SEC24A: variants seen among roughly 807,000 people sequenced by gnomAD.
SEC24A encodes SEC24 homolog A, COPII component.
SEC24A carries 93 observed loss-of-function variants against 129.4 expected under a neutral mutation model. The observed-to-expected ratio is 0.72, with a 90% CI of 0.61 to 0.85. The LOEUF (loss-of-function observed/expected upper bound fraction) is 0.85, where lower values mean the gene tolerates loss of function less well. Ranked by LOEUF, SEC24A falls within the 40% of genes least tolerant of loss-of-function variation. SEC24A has a pLI of 0.00. For missense variants in SEC24A, 1,264 were observed against 1,307.4 expected, an observed-to-expected ratio of 0.97 and a Z score of 0.51; for synonymous variants, 460 against 467.3, an observed-to-expected ratio of 0.98 and a Z score of 0.20.
intron 11 of SEC24A, among the ~76,000 whole-genome samples, chr5:134,690,297 G>C (rs1751597149): frequency 6.6e-6 from 1 of 152,174 alleles, no homozygotes; most frequent in African/African-American, 2.4e-5. Flanking sequence ...TGGGATTACA[G>C]GTGTGAGTCA....
chr5:134,673,950 G>A lies in SEC24A; in HGVS notation c.818-665G>A, dbSNP rs368395659. Among the ~76,000 whole-genome samples, 71 of 152,068 alleles carry A rather than the reference G, an allele frequency of 4.7e-4. No homozygotes were observed. The South Asian group carries it at 0.012, about 26-fold the overall frequency. Reference sequence around the variant, plus strand: ...GGAGTTTGAGACCAGTCTGACCAACGTAGTAAAACCCCATCTCTACTAAAA... The same window carrying A: ...GGAGTTTGAGACCAGTCTGACCAACATAGTAAAACCCCATCTCTACTAAAA... On this transcript the variant is annotated intron_variant, in intron 4 of 22. Transcript: ENST00000398844.
chr5:134,682,508 A>G (rs371912100), intron 9 of SEC24A, 26 bp downstream of exon 9: 19 of 1,174,464 alleles, frequency 1.6e-5, no homozygotes, highest in Non-Finnish European at 2.0e-5. Flanking sequence ...TTGATACAGT[A>G]TACCCATTTT....
At chr5:134,670,753 G>A (rs1223816986) in intron 3 of SEC24A, among the ~76,000 whole-genome samples, 1 of 152,130 alleles carries the variant, frequency 6.6e-6, no homozygotes, top group Non-Finnish European at 1.5e-5. Flanking sequence ...ACTTTGGGAG[G>A]CCAAGGCACG....
intron 1 of SEC24A, among the ~76,000 whole-genome samples, chr5:134,656,447 A>G (rs1750247947): frequency 1.3e-5 from 2 of 151,598 alleles, no homozygotes; most frequent in Admixed American, 1.3e-4. Context: ...TAGTGTGTTT[A>G]AAATAACTCT....
In SEC24A at chr5:134,715,055, T is replaced by C. The variant is rs1752437077; in HGVS notation, c.2759T>C (p.Leu920Pro). The C allele has an allele frequency of 6.2e-7, 1 of 1,613,308 alleles. No homozygotes were observed. The highest frequency in any genetic ancestry group is 8.5e-7 in the Non-Finnish European group (1 of 1,179,780). Residue 920 changes from leucine to proline, a missense_variant, in exon 19 of 23, where the codon CTA becomes CCA. Physicochemically the swap from Leu to Pro is moderately conservative, Grantham distance 98. Transcript: ENST00000398844. ...TTCCAGACTGGGACAAATGCACGTC[T>C]AGATGAACGCATTTTTGCTATGTGT... is the stretch of plus-strand genomic sequence containing the variant. ...KSFQTGTNAR[L>P]DERIFAMCQV...
Position 134,686,849 on chromosome 5 carries a change from C to G in SEC24A, c.1551C>G (p.Val517=), listed in dbSNP as rs767641132. Residue 517 remains valine (V), a synonymous_variant, in exon 10 of 23, where the codon GTC becomes GTG. Transcript: ENST00000398844. The stretch of plus-strand genomic sequence containing the variant: ...TATTTGATGTGTCTCACAATGCAGT[C>G]GAAACTGGATACTTGAATTCAGTTT... ...LFVFDVSHNA[V]ETGYLNSVCQ... 1 of 1,611,142 alleles carries G rather than the reference C, an allele frequency of 6.2e-7. No homozygotes were observed. Among genetic ancestry groups the G allele is most frequent in the African/African-American group, 1.3e-5 (1 of 74,900 alleles).
intron 1 of SEC24A, among the ~76,000 whole-genome samples, chr5:134,652,849 C>A (rs1750109913): frequency 6.6e-6 from 1 of 152,112 alleles, no homozygotes; most frequent in Admixed American, 6.6e-5. Context: ...TGCTGGAGTG[C>A]AGTGGTGCGA....
chr5:134,721,408 C>G (rs1164196131), intron 21 of SEC24A, among the ~76,000 whole-genome samples: 2 of 149,808 alleles, frequency 1.3e-5, no homozygotes, highest in Admixed American at 6.6e-5. Context: ...ACTAAAAATA[C>G]AAAAATTAGT....
chr5:134,712,146 T>G (rs1447873145), intron 18 of SEC24A, among the ~76,000 whole-genome samples: 1 of 152,212 alleles, frequency 6.6e-6, no homozygotes, highest in African/African-American at 2.4e-5. Context: ...TCTTGTATTT[T>G]TCCTGAACTC....
At chr5:134,692,435 G>T (rs549728348) in intron 11 of SEC24A, among the ~76,000 whole-genome samples, 167 bp from the exon 12 acceptor site, 1 of 152,246 alleles carries the variant, frequency 6.6e-6, no homozygotes, top group Non-Finnish European at 1.5e-5. Context: ...CTGTATCATT[G>T]TGGTGGTTTT....
At chr5:134,716,404 G>A (rs10463922) in intron 19 of SEC24A, among the ~76,000 whole-genome samples, 24,012 of 150,650 alleles carry the variant, frequency 0.16, 2,095 homozygotes, top group South Asian at 0.36. Context: ...GGGAGGCGGA[G>A]GTTGCAGTGA....
In SEC24A at chr5:134,693,919, A is replaced by G; in HGVS notation, c.1972A>G (p.Arg658Gly). 6.2e-7 allele frequency: 1 copy of G among 1,613,878 alleles called. No individual in the cohort carries two copies. Among genetic ancestry groups the G allele is most frequent in the Non-Finnish European group, 8.5e-7 (1 of 1,179,800 alleles). ...ALKPREEPNHRSSAKDIHMTP... is the reference protein window; with the variant it reads ...ALKPREEPNHGSSAKDIHMTP... Reference sequence around the variant, plus strand: ...GAAACCACGAGAGGAACCAAACCACAGGTCATCTGCTAAGGTTAGAGAGTC... The same window carrying G: ...GAAACCACGAGAGGAACCAAACCACGGGTCATCTGCTAAGGTTAGAGAGTC... Residue 658 changes from arginine to glycine, a missense_variant, in exon 13 of 23, where the codon AGG becomes GGG. Transcript: ENST00000398844.
chr5:134,716,570 A>C (rs1561833516), intron 19 of SEC24A, among the ~76,000 whole-genome samples: 1 of 151,716 alleles, frequency 6.6e-6, no homozygotes, highest in Non-Finnish European at 1.5e-5. Flanking sequence ...GGCCAAGGCA[A>C]GTGGATCACC....
chr5:134,656,330 G>A (rs756356603), intron 1 of SEC24A, among the ~76,000 whole-genome samples: 14 of 151,948 alleles, frequency 9.2e-5, no homozygotes, highest in Non-Finnish European at 1.6e-4. Flanking sequence ...TGCCCGCCTT[G>A]ACCTCCCAAA....
intron 15 of SEC24A, among the ~76,000 whole-genome samples, chr5:134,703,311 A>T (rs1216667401): frequency 6.6e-6 from 1 of 151,972 alleles, no homozygotes; most frequent in African/African-American, 2.4e-5. Flanking sequence ...TCTGTCGCCC[A>T]GGCTGGAGTG....
intron 18 of SEC24A, among the ~76,000 whole-genome samples, chr5:134,713,830 A>C (rs1271189046): frequency 2.0e-5 from 3 of 150,736 alleles, no homozygotes; most frequent in African/African-American, 7.3e-5. Context: ...GGAGTTCAAG[A>C]CCAGCCTGAC....
chr5:134,676,935 T>A (rs1340707538), intron 7 of SEC24A, among the ~76,000 whole-genome samples: 1 of 152,064 alleles, frequency 6.6e-6, no homozygotes, highest in South Asian at 2.1e-4. Flanking sequence ...TGCTGGAAAA[T>A]TCAAAAAGTA....
chr5:134,711,307 T>A (rs1431377696), intron 18 of SEC24A, among the ~76,000 whole-genome samples: 1 of 151,546 alleles, frequency 6.6e-6, no homozygotes, highest in African/African-American at 2.4e-5. Context: ...TACTAAAAAA[T>A]TTAATTTTTT....
rs748257931 is a variant in SEC24A, at chr5:134,674,790, A to AT, written c.978+19dup. 27 of 1,608,368 alleles carry AT rather than the reference A, an allele frequency of 1.7e-5. No homozygotes were observed. The South Asian group carries it at 2.2e-4, about 13-fold the overall frequency. ...CCTTTACTCAGGTAAACTTTTTGGG[A>AT]TTTTCTTTAACCTATTTCTCCATTT... is the stretch of plus-strand genomic sequence containing the variant. On this transcript the variant is annotated intron_variant, in intron 5 of 22. Coordinates refer to ENST00000398844, the MANE Select transcript of SEC24A (RefSeq NM_021982.3).
Sources: allele counts gnomAD v4.1 joint callset (sites outside exome capture counted in the v4.1 genomes callset), GRCh38; gene constraint gnomAD v4.1.1; transcripts MANE v1.5; gene names NCBI Gene and HGNC (gene_info 2026-07-23, HGNC 2026-07-21).